The following AGO4 variants were observed in gnomAD, a reference collection of about 807,000 sequenced individuals.
The protein encoded by AGO4 is argonaute RISC component 4, also known as protein argonaute-4.
In AGO4, 33 loss-of-function variants were observed where a neutral mutation model predicts 104.7. The ratio of observed to expected loss-of-function variants is 0.32; its 90% CI spans 0.24 to 0.42. AGO4 has a LOEUF of 0.42. Ranked by LOEUF, AGO4 falls within the 10% of genes least tolerant of loss-of-function variation. The pLI, the probability that AGO4 is intolerant of heterozygous loss-of-function variation, is 1.00. For missense variants in AGO4, 711 were observed against 1,083.4 expected, an observed-to-expected ratio of 0.66 and a Z score of 4.83; for synonymous variants, 331 against 364.7, an observed-to-expected ratio of 0.91 and a Z score of 1.05.
chr1:35,853,058 G>A (rs1327505956), intron 17 of AGO4, among the ~76,000 whole-genome samples: 2 of 152,062 alleles, frequency 1.3e-5, no homozygotes, highest in Non-Finnish European at 2.9e-5. Flanking sequence ...AGACCATCCT[G>A]GCTAACATGG....
At chr1:35,837,493 C>T (rs1321835845) in intron 13 of AGO4, among the ~76,000 whole-genome samples, 1 of 152,070 alleles carries the variant, frequency 6.6e-6, no homozygotes, top group Non-Finnish European at 1.5e-5. Context: ...GATCCTCCCA[C>T]CTCAGCCTCC....
At chr1:35,820,677 T>G (rs1340718938) in intron 2 of AGO4, among the ~76,000 whole-genome samples, 1 of 152,074 alleles carries the variant, frequency 6.6e-6, no homozygotes, top group Admixed American at 6.6e-5. Flanking sequence ...TGATTTTTTT[T>G]TTTAGGATGA....
At position 35,826,022 on chromosome 1, in the gene AGO4, C is replaced by T; in HGVS notation, c.722C>T (p.Thr241Ile). 6.2e-7 allele frequency: 1 copy of T among 1,614,170 alleles called. No individual in the cohort carries two copies. Among genetic ancestry groups the T allele is most frequent in the Non-Finnish European group, 8.5e-7 (1 of 1,180,028 alleles). Reference protein sequence around the residue: ...QNINEQTKPLTDSQRVKFTKE... With the variant: ...QNINEQTKPLIDSQRVKFTKE... ...ATCAATGAACAGACCAAACCTCTAA[C>T]AGACTCCCAGCGTGTCAAATTTACC... The change falls in exon 6 of 18, where the codon ACA (threonine) becomes ATA (isoleucine). Residue 241 changes from threonine to isoleucine, a missense_variant. Physicochemically the swap from Thr to Ile is moderately conservative, Grantham distance 89. Transcript: ENST00000373210.
chr1:35,845,638 G>A (rs1393411846), intron 15 of AGO4, among the ~76,000 whole-genome samples: 1 of 151,910 alleles, frequency 6.6e-6, no homozygotes, highest in Non-Finnish European at 1.5e-5. Context: ...TTTTCTGGGC[G>A]AATTCCCTTG....
chr1:35,829,840 TAAAAAAAAAAAA>T (rs752406279), intron 7 of AGO4, among the ~76,000 whole-genome samples: 1 of 62,172 alleles, frequency 1.6e-5, no homozygotes, highest in Admixed American at 2.5e-4. Context: ...GACTACATCT[TAAAAAAAAAAAA>T]AAAAAAAAAA....
At chr1:35,809,848 T>C (rs1201421523) in intron 1 of AGO4, among the ~76,000 whole-genome samples, 2 of 152,210 alleles carry the variant, frequency 1.3e-5, no homozygotes, top group Non-Finnish European at 2.9e-5. Flanking sequence ...ATAAGTCTTA[T>C]TGTAGAGACT....
intron 2 of AGO4, among the ~76,000 whole-genome samples, chr1:35,821,248 G>A (rs1218204436): frequency 6.6e-6 from 1 of 152,128 alleles, no homozygotes; most frequent in Non-Finnish European, 1.5e-5. Flanking sequence ...TCTTAAGTTA[G>A]CTCTTTAAAA....
chr1:35,853,800 T>C lies in AGO4; in HGVS notation c.*195T>C. 2.2e-6 allele frequency: 1 copy of C among 454,766 alleles called. No homozygotes were observed. Among genetic ancestry groups the C allele is most frequent in the African/African-American group, 2.0e-5 (1 of 49,978 alleles). The allele number at this position is 454,766 out of a possible 1,614,324, so 28.2% of individuals were successfully genotyped here. A position where few individuals can be genotyped will look rare whatever the true frequency, so the allele number is the denominator to read the frequency against. On this transcript the variant is annotated 3_prime_UTR_variant, in exon 18 of 18. Coordinates refer to ENST00000373210, the MANE Select transcript of AGO4 (RefSeq NM_017629.4). ...AAATTGAGCCATTTTTTTAAAGTAA[T>C]AGATACTAATAGATTATCTTTTCTG...
chr1:35,840,540 C>A (rs1421964666), intron 13 of AGO4, among the ~76,000 whole-genome samples: 1 of 152,092 alleles, frequency 6.6e-6, no homozygotes, highest in Non-Finnish European at 1.5e-5. Flanking sequence ...CTCAGGTGAT[C>A]CTCCTGCCTT....
At chr1:35,848,209 A>C (rs1644618667) in intron 15 of AGO4, among the ~76,000 whole-genome samples, 1 of 152,212 alleles carries the variant, frequency 6.6e-6, no homozygotes, top group African/African-American at 2.4e-5. Flanking sequence ...GATTCATCCA[A>C]GTTGTGTATA....
In AGO4 at chr1:35,841,547, C is replaced by T; in HGVS notation, c.2040+67C>T. 6.2e-7 allele frequency: 1 copy of T among 1,609,148 alleles called. No homozygotes were observed. Among genetic ancestry groups the T allele is most frequent in the Non-Finnish European group, 8.5e-7 (1 of 1,176,126 alleles). On this transcript the variant is annotated intron_variant, in intron 14 of 17. Coordinates refer to ENST00000373210, the MANE Select transcript of AGO4 (RefSeq NM_017629.4). This position sits in a 1 kb window ranked among gnomAD's most constrained non-coding sequence, Gnocchi z 4.7. ...TCTGAGGGAGATTCCTCTCATCTAC[C>T]ATTCTGGGTAGATCTGAGAGATACT...
At chr1:35,823,571 G>T (rs185437591) in intron 3 of AGO4, among the ~76,000 whole-genome samples, 1 of 152,030 alleles carries the variant, frequency 6.6e-6, no homozygotes, top group South Asian at 2.1e-4. Context: ...GACTATAGGC[G>T]TGTGCCACCA....
In AGO4 at chr1:35,834,134, G is replaced by C; in HGVS notation, c.1524G>C (p.Gln508His). ...TGAAAATGACTTATGTGGGCCTACA[G>C]CTAATAGTGGTTATCCTGCCTGGAA... ...KHLKMTYVGL[Q>H]LIVVILPGKT... is the part of the protein sequence containing the mutation. Residue 508 changes from glutamine to histidine, a missense_variant, in exon 12 of 18, where the codon CAG becomes CAC. Physicochemically the swap from Gln to His is conservative, Grantham distance 24 (BLOSUM62 0). Transcript: ENST00000373210. 6.2e-7 allele frequency: 1 copy of C among 1,607,768 alleles called. No individual in the cohort carries two copies. Among genetic ancestry groups the C allele is most frequent in the Non-Finnish European group, 8.5e-7 (1 of 1,177,528 alleles).
chr1:35,835,898 T>C lies in AGO4; in HGVS notation c.1629T>C (p.Asn543=), dbSNP rs748437767. The C allele has an allele frequency of 1.2e-5, 19 of 1,614,018 alleles. No individual in the cohort carries two copies. The East Asian group carries it at 4.0e-4, about 34-fold the overall frequency. The change falls in exon 13 of 18, where the codon AAT becomes AAC. Residue 543 remains asparagine (N), a synonymous_variant. Transcript: ENST00000373210. ...CCACACAGTGTGTCCAGGTAAAAAA[T>C]GTAGTGAAGACCTCACCTCAAACCC... ...GMATQCVQVK[N]VVKTSPQTLS... is the part of the protein sequence containing the mutation.
intron 1 of AGO4, among the ~76,000 whole-genome samples, chr1:35,810,064 T>C (rs971368323): frequency 6.6e-6 from 1 of 152,192 alleles, no homozygotes; most frequent in African/African-American, 2.4e-5. Context: ...TTTTGCAGGT[T>C]TGAGGACTTA....
Position 35,853,622 on chromosome 1 carries a change from A to G in AGO4, c.*17A>G. The G allele has an allele frequency of 4.3e-6, 7 of 1,611,694 alleles. No individual in the cohort carries two copies. The highest frequency in any genetic ancestry group is 5.9e-6 in the Non-Finnish European group (7 of 1,178,434). On this transcript the variant is annotated 3_prime_UTR_variant, in exon 18 of 18. Coordinates refer to ENST00000373210, the MANE Select transcript of AGO4 (RefSeq NM_017629.4). ...TTTGCCTGAGAGTCTCAGAAAAAGA[A>G]CTCAACCAATTTGGCACCCCATGCA...
At chr1:35,811,696 C>T (rs1415659298) in intron 1 of AGO4, among the ~76,000 whole-genome samples, 3 of 151,942 alleles carry the variant, frequency 2.0e-5, no homozygotes, top group Admixed American at 6.6e-5. Flanking sequence ...CTCCACCTCC[C>T]GGGTTCAAGC....
In AGO4 at chr1:35,834,009, C is replaced by T. The variant is rs765652702; in HGVS notation, c.1399C>T (p.Arg467Cys). Residue 467 changes from arginine (R) to cysteine (C), a missense_variant, in exon 12 of 18, where the codon CGT becomes TGT. Physicochemically the swap from Arg to Cys is radical, Grantham distance 180 (BLOSUM62 -3). This residue lies in a region of AGO4 where 401 missense variants were observed against 665.5 expected (regional missense o/e 0.60). Transcript: ENST00000373210. ...TAACAGGAGTTTCACTGACCAGCTG[C>T]GTAAAATCTCTAAGGATGCAGGAAT... ...DLLKSFTDQL[R>C]KISKDAGMPI... 4.4e-6 allele frequency: 7 copies of T among 1,574,458 alleles called. No homozygotes were observed. Among genetic ancestry groups the T allele is most frequent in the South Asian group, 1.2e-5 (1 of 84,020 alleles).
intron 15 of AGO4, among the ~76,000 whole-genome samples, chr1:35,843,352 C>T (rs935621279): frequency 5.9e-5 from 9 of 152,102 alleles, no homozygotes; most frequent in East Asian, 1.9e-4. Flanking sequence ...AGGTGTGAGC[C>T]GCCGTGCTTG....
Sources: allele counts gnomAD v4.1 joint callset (sites outside exome capture counted in the v4.1 genomes callset), GRCh38; gene constraint gnomAD v4.1.1; regional missense constraint gnomAD v4.1.1; non-coding constraint Gnocchi (gnomAD v3.1); transcripts MANE v1.5; gene names NCBI Gene and HGNC (gene_info 2026-07-23, HGNC 2026-07-21).